Variants in ARHGAP6 observed in about 807,000 individuals in gnomAD.
ARHGAP6 encodes the protein rho GTPase-activating protein 6.
Under a neutral mutation model 55.7 loss-of-function variants are expected in ARHGAP6, and 16 were observed. That is an observed-to-expected ratio of 0.29 (90% CI 0.19 to 0.44). ARHGAP6 has a LOEUF of 0.44. Among genes scored for constraint, ARHGAP6 ranks in the 20% least tolerant of loss-of-function variants. The pLI, the probability that ARHGAP6 is intolerant of heterozygous loss-of-function variation, is 1.00. For synonymous variants in ARHGAP6, 382 were observed against 360.9 expected (o/e 1.06, Z -0.66); for missense variants, 698 against 808.9 (o/e 0.86, Z 1.66).
intron 2 of ARHGAP6, among the ~76,000 whole-genome samples, chrX:11,246,255 G>A (rs927953057): frequency 9.0e-6 from 1 of 111,257 alleles, no homozygotes; most frequent in Non-Finnish European, 1.9e-5. Flanking sequence ...GAGTATATAA[G>A]ATGTCAGGAA....
intron 1 of ARHGAP6, among the ~76,000 whole-genome samples, chrX:11,360,723 G>C (rs1468969161): frequency 1.8e-5 from 2 of 110,806 alleles, no homozygotes; most frequent in Non-Finnish European, 3.8e-5. Flanking sequence ...AATTGTCCCT[G>C]TTTGCAGACG....
intron 1 of ARHGAP6, among the ~76,000 whole-genome samples, chrX:11,374,785 A>G (rs1394932383): frequency 1.8e-5 from 2 of 112,014 alleles, no homozygotes; most frequent in Non-Finnish European, 3.8e-5. Flanking sequence ...CAGGAACCTA[A>G]GTGATAGCAA....
chrX:11,648,881 G>A (rs1303483004), intron 1 of ARHGAP6, among the ~76,000 whole-genome samples: 2 of 112,038 alleles, frequency 1.8e-5, no homozygotes, highest in African/African-American at 3.2e-5. Context: ...TTCTGTGCAA[G>A]CTCGGACTGA....
At chrX:11,627,101 C>G (rs1303412753) in intron 1 of ARHGAP6, among the ~76,000 whole-genome samples, 1 of 111,487 alleles carries the variant, frequency 9.0e-6, no homozygotes, top group African/African-American at 3.2e-5. Context: ...GGAATACATG[C>G]AAGAAAATTC....
chrX:11,274,211 A>T (rs961949921), intron 1 of ARHGAP6, among the ~76,000 whole-genome samples: 1 of 112,181 alleles, frequency 8.9e-6, no homozygotes, highest in Non-Finnish European at 1.9e-5. Flanking sequence ...TAAAGTTTGT[A>T]ACTTAATTAT....
chrX:11,609,844 G>C (rs1412963888), intron 1 of ARHGAP6, among the ~76,000 whole-genome samples: 4 of 111,893 alleles, frequency 3.6e-5, no homozygotes, highest in Non-Finnish European at 7.5e-5. Context: ...AGAAAGAGGA[G>C]GCTGGGCACT....
At chrX:11,369,920 G>C (rs189626490) in intron 1 of ARHGAP6, among the ~76,000 whole-genome samples, 150 of 112,579 alleles carry the variant, frequency 1.3e-3, no homozygotes, top group Non-Finnish European at 2.3e-4. Context: ...CAAGTTGTCA[G>C]TACATGCAGG....
chrX:11,659,532 C>A (rs188309810), intron 1 of ARHGAP6, among the ~76,000 whole-genome samples: 3 of 111,509 alleles, frequency 2.7e-5, no homozygotes, highest in Admixed American at 1.9e-4. Flanking sequence ...AAAATGCCCA[C>A]GCCCCAATCC....
intron 1 of ARHGAP6, among the ~76,000 whole-genome samples, chrX:11,349,178 G>T (rs939201293): frequency 3.6e-5 from 4 of 110,444 alleles, no homozygotes; most frequent in African/African-American, 1.3e-4. Context: ...TATATTTTTG[G>T]AAAGGAATTT....
intron 1 of ARHGAP6, among the ~76,000 whole-genome samples, chrX:11,518,182 C>T (rs771166519): frequency 9.1e-6 from 1 of 110,308 alleles, no homozygotes; most frequent in Non-Finnish European, 1.9e-5. Flanking sequence ...GGTCTATCAC[C>T]CAGGCTGGAG....
chrX:11,508,873 A>C (rs764209348), intron 1 of ARHGAP6, among the ~76,000 whole-genome samples: 1 of 110,315 alleles, frequency 9.1e-6, no homozygotes. Context: ...ACACACACAC[A>C]CACACACATA....
At position 11,637,051 on chromosome X, in the gene ARHGAP6, A is replaced by G. The variant is rs186795863; in HGVS notation, c.588+27190T>C. Among the ~76,000 whole-genome samples the G allele has an allele frequency of 2.2e-4, 25 of 111,746 alleles. No homozygotes were observed. The East Asian group carries it at 4.2e-3, about 19-fold the overall frequency. Reference sequence around the variant, plus strand: ...TCACAACATCCAAGTTGAAATACCTACTAATAAAAATGTTGCTTCAATGTA... The same window carrying G: ...TCACAACATCCAAGTTGAAATACCTGCTAATAAAAATGTTGCTTCAATGTA... On this transcript the variant is annotated intron_variant, in intron 1 of 12. Coordinates refer to ENST00000337414, the MANE Select transcript of ARHGAP6 (RefSeq NM_013427.3).
chrX:11,444,595 G>A (rs2050073267), intron 1 of ARHGAP6, among the ~76,000 whole-genome samples: 1 of 112,068 alleles, frequency 8.9e-6, no homozygotes, highest in South Asian at 3.7e-4. Context: ...ATGATGGCTG[G>A]AAATATAGCA....
At chrX:11,584,439 G>T (rs1052703350) in intron 1 of ARHGAP6, among the ~76,000 whole-genome samples, 1 of 111,617 alleles carries the variant, frequency 9.0e-6, no homozygotes, top group Admixed American at 9.6e-5. Context: ...AATTTGCCAA[G>T]TATGTGATAT....
chrX:11,521,481 T>G (rs1361070289), intron 1 of ARHGAP6, among the ~76,000 whole-genome samples: 2 of 111,845 alleles, frequency 1.8e-5, no homozygotes, highest in Non-Finnish European at 3.8e-5. Context: ...TGTGTGGTAT[T>G]ATTTCTGAGG....
intron 1 of ARHGAP6, among the ~76,000 whole-genome samples, chrX:11,263,028 C>CCAT (rs2047580941): frequency 9.0e-6 from 1 of 110,672 alleles, no homozygotes; most frequent in Admixed American, 9.6e-5. Flanking sequence ...ATTTGCATCA[C>CCAT]CATCTGATGT....
At chrX:11,452,194 A>G (rs1173692298) in intron 1 of ARHGAP6, among the ~76,000 whole-genome samples, 1 of 112,365 alleles carries the variant, frequency 8.9e-6, no homozygotes, top group Non-Finnish European at 1.9e-5. Flanking sequence ...GTCGCCCAGT[A>G]TGGAGTGCAG....
At chrX:11,428,991 AC>A (rs1050781510) in intron 1 of ARHGAP6, among the ~76,000 whole-genome samples, 3 of 111,595 alleles carry the variant, frequency 2.7e-5, no homozygotes, top group Non-Finnish European at 3.8e-5. Flanking sequence ...TATACAGAGT[AC>A]AATAATCTCA....
chrX:11,569,239 G>A (rs147623592), intron 1 of ARHGAP6, among the ~76,000 whole-genome samples: 1,710 of 111,202 alleles, frequency 0.015, 30 homozygotes, highest in African/African-American at 0.054. Flanking sequence ...AGTCAGAGAT[G>A]CCACTAAATA....
Sources: gnomAD v4.1 joint callset for allele counts (sites outside exome capture counted in the v4.1 genomes callset) on GRCh38, gnomAD v4.1.1 for gene constraint, MANE v1.5 for transcripts, NCBI Gene and HGNC (gene_info 2026-07-23, HGNC 2026-07-21) for gene names.